SPAG16: variants seen among roughly 807,000 people sequenced by gnomAD.
SPAG16 encodes sperm associated antigen 16, also known as sperm-associated antigen 16 protein.
Under a neutral mutation model 80.4 loss-of-function variants are expected in SPAG16, and 86 were observed. The observed-to-expected ratio is 1.07, with a 90% CI of 0.90 to 1.28. SPAG16 has a LOEUF of 1.28. SPAG16 is among the 50% of genes most tolerant of loss of function. The pLI is 0.00. For synonymous variants in SPAG16, 294 were observed against 265.9 expected (o/e 1.11, Z -1.03); for missense variants, 870 against 765.3 (o/e 1.14, Z -1.61).
intron 6 of SPAG16, among the ~76,000 whole-genome samples, chr2:213,349,851 G>C (rs1262756271): frequency 6.6e-6 from 1 of 152,098 alleles, no homozygotes; most frequent in Non-Finnish European, 1.5e-5. Flanking sequence ...GAATTTTCTG[G>C]GGTGTTAGAC....
chr2:214,406,519 T>G (rs941125929), intron 15 of SPAG16, among the ~76,000 whole-genome samples: 1 of 152,154 alleles, frequency 6.6e-6, no homozygotes, highest in Admixed American at 6.5e-5. Context: ...TATTCAAATA[T>G]TCAAGTTTTT....
intron 12 of SPAG16, among the ~76,000 whole-genome samples, chr2:213,977,259 C>T (rs1478983838): frequency 6.6e-6 from 1 of 151,950 alleles, no homozygotes; most frequent in East Asian, 1.9e-4. Context: ...CCCAGGATTC[C>T]CCAAAATCTC....
chr2:213,873,007 C>T (rs2076010089), intron 11 of SPAG16, among the ~76,000 whole-genome samples: 1 of 151,946 alleles, frequency 6.6e-6, no homozygotes, highest in Non-Finnish European at 1.5e-5. Context: ...ACATTTTTAT[C>T]TGTATTAATA....
At position 213,518,140 on chromosome 2, in the gene SPAG16, C is replaced by T. The variant is rs2125837414; in HGVS notation, c.1070+28050C>T. ...CCCCACTGATAAATGGGCAAAGGAC[C>T]TGAATAGACACTTTTCAAAACAACA... is the stretch of plus-strand genomic sequence containing the variant. On this transcript the variant is annotated intron_variant, in intron 10 of 15. Transcript: ENST00000331683. Among the ~76,000 whole-genome samples, 3 of 152,210 alleles carry T rather than the reference C, an allele frequency of 2.0e-5. No individual in the cohort carries two copies. In the South Asian group the frequency reaches 6.2e-4, roughly 32 times the overall value.
intron 9 of SPAG16, among the ~76,000 whole-genome samples, chr2:213,446,630 T>G (rs1488829568): frequency 6.6e-6 from 1 of 152,224 alleles, no homozygotes; most frequent in Non-Finnish European, 1.5e-5. Flanking sequence ...CAAACTGATT[T>G]ACCTACTACA....
At chr2:214,090,214 T>C (rs1277103030) in intron 13 of SPAG16, among the ~76,000 whole-genome samples, 1 of 151,494 alleles carries the variant, frequency 6.6e-6, no homozygotes, top group Non-Finnish European at 1.5e-5. Context: ...AAGAGGAAGA[T>C]AAAGATGAAG....
At chr2:213,715,801 T>C (rs1272741162) in intron 10 of SPAG16, among the ~76,000 whole-genome samples, 1 of 152,178 alleles carries the variant, frequency 6.6e-6, no homozygotes, top group African/African-American at 2.4e-5. Flanking sequence ...AGTTTATTGC[T>C]CTTATGCAAA....
intron 6 of SPAG16, among the ~76,000 whole-genome samples, chr2:213,346,849 TTTTG>T (rs2065022498): frequency 6.7e-6 from 1 of 149,082 alleles, no homozygotes; most frequent in South Asian, 2.1e-4. Context: ...CTCTTTTTTT[TTTTG>T]TTGTGTCTCT....
At chr2:213,863,222 T>C (rs1575393370) in intron 11 of SPAG16, among the ~76,000 whole-genome samples, 2 of 152,166 alleles carry the variant, frequency 1.3e-5, no homozygotes, top group East Asian at 3.9e-4. Flanking sequence ...TTGTGGCCCA[T>C]TGCTACTGCC....
chr2:213,756,174 G>GT (rs2068319303), intron 10 of SPAG16, among the ~76,000 whole-genome samples: 3 of 151,902 alleles, frequency 2.0e-5, no homozygotes, highest in Admixed American at 2.0e-4. Context: ...TCCAATAGGT[G>GT]TTAAAAAAAA....
At chr2:213,699,759 C>G (rs1164638463) in intron 10 of SPAG16, among the ~76,000 whole-genome samples, 1 of 152,198 alleles carries the variant, frequency 6.6e-6, no homozygotes, top group Non-Finnish European at 1.5e-5. Flanking sequence ...ATCTGGGCCA[C>G]TGTGTCCTGA....
chr2:214,385,346 C>T (rs552182541), intron 15 of SPAG16, among the ~76,000 whole-genome samples: 3 of 152,140 alleles, frequency 2.0e-5, no homozygotes, highest in South Asian at 2.1e-4. Flanking sequence ...TCCCAGCACA[C>T]GGTCAACATT....
chr2:213,581,519 A>G lies in SPAG16; in HGVS notation c.1070+91429A>G, dbSNP rs749611926. ...TTATGGCCACTGCTCCCAGCCCTCT[A>G]TTTAAAGGCCCTAAATGTTCTTCAG... On this transcript the variant is annotated intron_variant, in intron 10 of 15. Coordinates refer to ENST00000331683, the MANE Select transcript of SPAG16 (RefSeq NM_024532.5). Among the ~76,000 whole-genome samples the G allele has an allele frequency of 8.4e-4, 128 of 152,136 alleles. 1 individual carries two copies. Among genetic ancestry groups the G allele is most frequent in the Non-Finnish European group, 4.3e-4 (29 of 67,976 alleles).
chr2:214,260,444 A>G (rs1206058486), intron 15 of SPAG16, among the ~76,000 whole-genome samples: 1 of 152,032 alleles, frequency 6.6e-6, no homozygotes, highest in African/African-American at 2.4e-5. Context: ...TTTTCTTCCC[A>G]GGGAGTATTT....
chr2:214,123,172 T>C (rs2054302902), intron 14 of SPAG16, among the ~76,000 whole-genome samples: 1 of 151,936 alleles, frequency 6.6e-6, no homozygotes, highest in Non-Finnish European at 1.5e-5. Context: ...AGAAGTATTC[T>C]ATCTTTATTT....
intron 10 of SPAG16, among the ~76,000 whole-genome samples, chr2:213,745,817 G>C (rs2067794886): frequency 6.6e-6 from 1 of 152,082 alleles, no homozygotes. Context: ...TTAAATACTA[G>C]AATGTAATAA....
chr2:213,299,818 A>G (rs2062659588), intron 3 of SPAG16, among the ~76,000 whole-genome samples: 1 of 152,172 alleles, frequency 6.6e-6, no homozygotes, highest in Non-Finnish European at 1.5e-5. Flanking sequence ...TTATACTATC[A>G]GTAGTTTCTT....
intron 13 of SPAG16, among the ~76,000 whole-genome samples, chr2:214,085,740 G>A (rs2051698161): frequency 6.6e-6 from 1 of 152,080 alleles, no homozygotes. Context: ...AGCTGTCCAG[G>A]ACACTTCACT....
chr2:213,376,847 T>C (rs1391844384), intron 9 of SPAG16, among the ~76,000 whole-genome samples: 4 of 152,184 alleles, frequency 2.6e-5, no homozygotes, highest in Non-Finnish European at 5.9e-5. Flanking sequence ...ATTGCAGACA[T>C]TGCAAATTTA....
Sources: allele counts gnomAD v4.1 joint callset (sites outside exome capture counted in the v4.1 genomes callset), GRCh38; gene constraint gnomAD v4.1.1; transcripts MANE v1.5; gene names NCBI Gene and HGNC (gene_info 2026-07-23, HGNC 2026-07-21).